PCDHGA12: variants seen among roughly 807,000 people sequenced by gnomAD.
The protein encoded by PCDHGA12 is protocadherin gamma-A12.
A neutral mutation model predicts 61.1 loss-of-function variants in PCDHGA12; 43 were observed. That is an observed-to-expected ratio of 0.70 (90% confidence interval 0.55 to 0.91). The LOEUF (loss-of-function observed/expected upper bound fraction) is 0.91. PCDHGA12 is among the 40% of genes least tolerant of loss of function. The pLI, the probability that PCDHGA12 is intolerant of heterozygous loss-of-function variation, is 0.00. For missense variants in PCDHGA12, 1,236 were observed against 1,227.7 expected, an observed-to-expected ratio of 1.01 and a Z score of -0.10; for synonymous variants, 520 against 542.9, an observed-to-expected ratio of 0.96 and a Z score of 0.59.
intron 3 of PCDHGA12, among the ~76,000 whole-genome samples, chr5:141,506,402 G>A (rs1032556978): frequency 2.8e-5 from 4 of 143,790 alleles, no homozygotes; most frequent in East Asian, 2.0e-4. Flanking sequence ...GCAGAAAATC[G>A]CACCACTGCA....
At chr5:141,480,298 C>G (rs1238380283) in intron 1 of PCDHGA12, among the ~76,000 whole-genome samples, 1 of 132,676 alleles carries the variant, frequency 7.5e-6, no homozygotes, top group Non-Finnish European at 1.6e-5. Flanking sequence ...ACCTGTGGTA[C>G]CAGCTACTTG....
chr5:141,435,591 T>G (rs1197622032), intron 1 of PCDHGA12, among the ~76,000 whole-genome samples: 1 of 152,206 alleles, frequency 6.6e-6, no homozygotes, highest in Admixed American at 6.5e-5. Flanking sequence ...TGCAGTAATA[T>G]CGCCTGCTTT....
Position 141,494,803 on chromosome 5 carries a change from A to G in PCDHGA12, c.2425-4A>G. On this transcript the variant is annotated splice_polypyrimidine_tract_variant and splice_region_variant and intron_variant, in intron 1 of 3. Transcript: ENST00000252085. ...CAGCCCCTTTCCCTCTGTTTTCTCC[A>G]CAGCAAGCCCCGCCCAACACGGACT... The G allele has an allele frequency of 6.2e-7, 1 of 1,613,646 alleles. No individual in the cohort carries two copies. Among genetic ancestry groups the G allele is most frequent in the Non-Finnish European group, 8.5e-7 (1 of 1,179,900 alleles).
intron 1 of PCDHGA12, chr5:141,478,803 T>G: frequency 2.1e-6 from 3 of 1,463,244 alleles, no homozygotes; most frequent in Non-Finnish European, 2.7e-6. Context: ...AGCACTCTTT[T>G]GCTATCACAA....
Position 141,485,486 on chromosome 5 carries a change from C to T in PCDHGA12, c.2425-9321C>T, listed in dbSNP as rs2099614522. 6 of 1,614,102 alleles carry T rather than the reference C, an allele frequency of 3.7e-6. No individual in the cohort carries two copies. The highest frequency in any genetic ancestry group is 2.2e-5 in the East Asian group (1 of 44,866). The stretch of plus-strand genomic sequence containing the variant: ...TGGGCTCAGTGCCAGCTGCATCGTG[C>T]CCCTGGAGTTTGTCACCGAAGGTCC... On this transcript the variant is annotated intron_variant, in intron 1 of 3. Coordinates refer to ENST00000252085, the MANE Select transcript of PCDHGA12 (RefSeq NM_003735.3). This position sits in a 1 kb window ranked among gnomAD's most constrained non-coding sequence, Gnocchi z 5.7.
intron 1 of PCDHGA12, among the ~76,000 whole-genome samples, chr5:141,479,979 T>C (rs67253891): frequency 0.061 from 9,352 of 152,266 alleles, 334 homozygotes; most frequent in South Asian, 0.12. Context: ...GTTCTACCAT[T>C]TACCAACTAG....
intron 1 of PCDHGA12, among the ~76,000 whole-genome samples, chr5:141,448,043 G>A (rs1000669754): frequency 3.3e-5 from 5 of 151,870 alleles, no homozygotes; most frequent in African/African-American, 1.2e-4. Context: ...CCAAGATCAT[G>A]CCATTGCTCT....
chr5:141,433,236 C>G, intron 1 of PCDHGA12, 53 bp downstream of exon 1: 2 of 1,501,160 alleles, frequency 1.3e-6, no homozygotes, highest in South Asian at 1.3e-5. Flanking sequence ...CTCTGTCTCC[C>G]AAGCTGGAAT....
chr5:141,453,930 T>G (rs944390811), intron 1 of PCDHGA12, among the ~76,000 whole-genome samples: 10 of 152,242 alleles, frequency 6.6e-5, no homozygotes, highest in Non-Finnish European at 1.0e-4. Flanking sequence ...AGTCACTGTG[T>G]GCCTATAATT....
At chr5:141,482,089 C>CA (rs36035257) in intron 1 of PCDHGA12, among the ~76,000 whole-genome samples, 13,509 of 134,292 alleles carry the variant, frequency 0.1, 910 homozygotes, top group African/African-American at 0.2. Context: ...CACTCCATCT[C>CA]AAAAAAAAAA....
At chr5:141,442,974 A>C (rs1444888648) in intron 1 of PCDHGA12, among the ~76,000 whole-genome samples, 1 of 152,176 alleles carries the variant, frequency 6.6e-6, no homozygotes, top group Non-Finnish European at 1.5e-5. Flanking sequence ...CTGGCTGATA[A>C]AGTTAGCCTA....
intron 1 of PCDHGA12, among the ~76,000 whole-genome samples, chr5:141,448,573 AT>A (rs976781630): frequency 1.3e-5 from 2 of 151,652 alleles, no homozygotes; most frequent in East Asian, 1.9e-4. Flanking sequence ...TTATTTCCCC[AT>A]TTTTTTTACA....
rs775712620 is a variant in PCDHGA12, at chr5:141,491,341, G to T, written c.2425-3466G>T. 1 of 1,613,982 alleles carries T rather than the reference G, an allele frequency of 6.2e-7. No homozygotes were observed. The highest frequency in any genetic ancestry group is 8.5e-7 in the Non-Finnish European group (1 of 1,180,016). ...TTACCTCATTGTGGCTCTAGCGACC[G>T]TCAGTCTCTTATCCCTAGTCACCTT... On this transcript the variant is annotated intron_variant, in intron 1 of 3. Coordinates refer to ENST00000252085, the MANE Select transcript of PCDHGA12 (RefSeq NM_003735.3). The surrounding 1 kb of genome is among the most constrained non-coding windows in gnomAD (Gnocchi z 6.9).
chr5:141,456,236 T>G (rs1299029934), intron 1 of PCDHGA12, among the ~76,000 whole-genome samples: 1 of 152,120 alleles, frequency 6.6e-6, no homozygotes, highest in African/African-American at 2.4e-5. Flanking sequence ...TAACTGCTGT[T>G]AGGAGGCTTT....
intron 1 of PCDHGA12, among the ~76,000 whole-genome samples, chr5:141,450,547 C>T (rs182695399): frequency 3.4e-4 from 51 of 150,496 alleles, no homozygotes; most frequent in African/African-American, 1.0e-3. Context: ...AATGCAGTGG[C>T]GCAGTCTCGG....
Position 141,476,659 on chromosome 5 carries a change from G to C in PCDHGA12, c.2425-18148G>C. On this transcript the variant is annotated intron_variant, in intron 1 of 3. Transcript: ENST00000252085. This position sits in a 1 kb window ranked among gnomAD's most constrained non-coding sequence, Gnocchi z 7.6. ...AGCTGAGCCGAAATGAATACTTTGCGCTTCGCGTGCAGACGCGGGAGGACA... is the reference window on the plus strand; with the variant it reads ...AGCTGAGCCGAAATGAATACTTTGCCCTTCGCGTGCAGACGCGGGAGGACA... 1 of 1,614,252 alleles carries C rather than the reference G, an allele frequency of 6.2e-7. No individual in the cohort carries two copies. The highest frequency in any genetic ancestry group is 8.5e-7 in the Non-Finnish European group (1 of 1,180,048).
rs1270447529 is a variant in PCDHGA12 at position 141,490,526 on chromosome 5, C to A, written c.2425-4281C>A. 3 of 1,614,116 alleles carry A rather than the reference C, an allele frequency of 1.9e-6. No homozygotes were observed. Among genetic ancestry groups the A allele is most frequent in the Non-Finnish European group, 2.5e-6 (3 of 1,180,008 alleles). On this transcript the variant is annotated intron_variant, in intron 1 of 3. Transcript: ENST00000252085. This position sits in a 1 kb window ranked among gnomAD's most constrained non-coding sequence, Gnocchi z 5.4. ...ATCATCGAGCTGCTGGCCAGCGATG[C>A]TGGTTCACCTTCCCTACACAAACAT...
intron 1 of PCDHGA12, among the ~76,000 whole-genome samples, chr5:141,451,788 A>C (rs531473040): frequency 6.6e-6 from 1 of 152,140 alleles, no homozygotes; most frequent in African/African-American, 2.4e-5. Flanking sequence ...GGCTGAGGCC[A>C]GAGAATTGCT....
Position 141,477,200 on chromosome 5 carries a change from C to T in PCDHGA12, c.2425-17607C>T. ...AGTCACCTCCGTGTACAGCCCAGTACCCGAGGATGCCCCTCTGGGGACTGT... is the reference window on the plus strand; with the variant it reads ...AGTCACCTCCGTGTACAGCCCAGTATCCGAGGATGCCCCTCTGGGGACTGT... On this transcript the variant is annotated intron_variant, in intron 1 of 3. Transcript: ENST00000252085. This position sits in a 1 kb window ranked among gnomAD's most constrained non-coding sequence, Gnocchi z 4.9. The T allele has an allele frequency of 1.2e-6, 2 of 1,614,206 alleles. No individual in the cohort carries two copies. The highest frequency in any genetic ancestry group is 1.3e-5 in the African/African-American group (1 of 75,056).
Sources: allele counts gnomAD v4.1 joint callset (sites outside exome capture counted in the v4.1 genomes callset), GRCh38; gene constraint gnomAD v4.1.1; non-coding constraint Gnocchi (gnomAD v3.1); transcripts MANE v1.5; gene names NCBI Gene and HGNC (gene_info 2026-07-23, HGNC 2026-07-21).